RANBP2: variants seen among roughly 807,000 people sequenced by gnomAD.
RANBP2 encodes E3 SUMO-protein ligase RanBP2.
In RANBP2, 57 loss-of-function variants were observed where a neutral mutation model predicts 303.6. The ratio of observed to expected loss-of-function variants is 0.19; its 90% CI spans 0.15 to 0.23. The LOEUF (loss-of-function observed/expected upper bound fraction) is 0.23. Ranked by LOEUF, RANBP2 falls within the 10% of genes least tolerant of loss-of-function variation. RANBP2 has a pLI of 1.00. For missense variants in RANBP2, 3,138 were observed against 3,780.8 expected, an observed-to-expected ratio of 0.83 and a Z score of 4.46; for synonymous variants, 1,167 against 1,301.5, an observed-to-expected ratio of 0.90 and a Z score of 2.23.
the RANBP2 span, among the ~76,000 whole-genome samples, chr2:109,316,379 T>C: frequency 0.31 from 47,340 of 151,958 alleles, 9,135 homozygotes; most frequent in African/African-American, 0.55. Context: ...GGAGAAGCCC[T>C]GGTGCCATGT....
chr2:109,297,679 A>C, the RANBP2 span, among the ~76,000 whole-genome samples: 1 of 131,846 alleles, frequency 7.6e-6, no homozygotes, highest in Non-Finnish European at 1.6e-5. Context: ...AGTGCCTTCC[A>C]CTGGGCCAAT....
the RANBP2 span, among the ~76,000 whole-genome samples, chr2:109,296,955 C>G: frequency 6.6e-6 from 1 of 152,106 alleles, no homozygotes; most frequent in Non-Finnish European, 1.5e-5. Context: ...GGGGACCTAC[C>G]CTGAGGAGCT....
chr2:109,654,616 A>G, the RANBP2 span, among the ~76,000 whole-genome samples: 3 of 152,096 alleles, frequency 2.0e-5, no homozygotes, highest in African/African-American at 7.2e-5. Context: ...AAAGATGACA[A>G]TTTAAGTCAT....
chr2:108,759,628 A>G (rs1260150634), intron 18 of RANBP2, among the ~76,000 whole-genome samples: 9 of 152,218 alleles, frequency 5.9e-5, no homozygotes, highest in Admixed American at 5.9e-4. Context: ...AAGCAAAATA[A>G]CAGAAAATCT....
the RANBP2 span, among the ~76,000 whole-genome samples, chr2:109,148,091 G>A: frequency 6.6e-6 from 1 of 152,186 alleles, no homozygotes; most frequent in African/African-American, 2.4e-5. Flanking sequence ...ATCTGGCTGG[G>A]CTGCCAGCCG....
the RANBP2 span, among the ~76,000 whole-genome samples, chr2:109,570,605 ACCTCCGCCTCCCAAGTTCAAGCAATTCTG>A: frequency 0.064 from 9,723 of 151,736 alleles, 742 homozygotes; most frequent in East Asian, 0.24. Flanking sequence ...GCTCACTGCA[ACCTCCGCCTCCCAAGTTCAAGCAATTCTG>A]CCTCAGCCTC....
chr2:109,528,931 C>A, the RANBP2 span, among the ~76,000 whole-genome samples: 2 of 152,196 alleles, frequency 1.3e-5, no homozygotes, highest in South Asian at 4.1e-4. Context: ...AGGGGCTGAG[C>A]TGATGACCGC....
At chr2:108,926,574 G>T in the RANBP2 span, among the ~76,000 whole-genome samples, 4 of 152,322 alleles carry the variant, frequency 2.6e-5, no homozygotes, top group Non-Finnish European at 5.9e-5. Flanking sequence ...CCAGAATCGC[G>T]GGGTGGTGGA....
At chr2:109,410,984 CAA>C in the RANBP2 span, among the ~76,000 whole-genome samples, 1 of 152,174 alleles carries the variant, frequency 6.6e-6, no homozygotes, top group African/African-American at 2.4e-5. Context: ...TCACTCCTGC[CAA>C]GTCTTTACTA....
the RANBP2 span, among the ~76,000 whole-genome samples, chr2:109,579,633 T>C: frequency 2.0e-5 from 3 of 151,314 alleles, no homozygotes; most frequent in African/African-American, 7.3e-5. Context: ...TCCACCCACC[T>C]TGGCCTCCCA....
At chr2:109,385,440 C>T in the RANBP2 span, among the ~76,000 whole-genome samples, 3 of 152,188 alleles carry the variant, frequency 2.0e-5, no homozygotes, top group Non-Finnish European at 2.9e-5. Flanking sequence ...TTAGTAGCAG[C>T]GTGTTGTTTT....
the RANBP2 span, among the ~76,000 whole-genome samples, chr2:109,551,379 T>C: frequency 1.3e-5 from 2 of 152,224 alleles, no homozygotes; most frequent in Non-Finnish European, 2.9e-5. Context: ...AAAACTAAGA[T>C]TCATGCTATA....
the RANBP2 span, among the ~76,000 whole-genome samples, chr2:109,092,503 C>T: frequency 6.3e-3 from 955 of 152,310 alleles, 14 homozygotes; most frequent in African/African-American, 0.022. Flanking sequence ...CATTGGTCAA[C>T]ACCTTGCAAA....
chr2:109,666,197 A>G, the RANBP2 span, among the ~76,000 whole-genome samples: 2 of 152,296 alleles, frequency 1.3e-5, no homozygotes. Context: ...GAAGTCTCAC[A>G]GGCATTGCTT....
the RANBP2 span, among the ~76,000 whole-genome samples, chr2:109,036,369 A>T: frequency 1.3e-5 from 2 of 152,364 alleles, no homozygotes; most frequent in South Asian, 4.1e-4. Flanking sequence ...TACCAAAATC[A>T]GGAAAATGCA....
intron 7 of RANBP2, 113 bp downstream of exon 7, chr2:108,740,794 A>T: frequency 1.4e-6 from 2 of 1,437,044 alleles, no homozygotes; most frequent in Admixed American, 3.5e-5. Context: ...GTGGAATTAA[A>T]GTTGAAATAG....
chr2:108,855,295 TAAAAG>T, the RANBP2 span, among the ~76,000 whole-genome samples: 1 of 152,156 alleles, frequency 6.6e-6, no homozygotes, highest in Non-Finnish European at 1.5e-5. Context: ...TTTGCAAACT[TAAAAG>T]AATACCATAT....
chr2:108,808,256 C>A, the RANBP2 span, among the ~76,000 whole-genome samples: 2 of 152,032 alleles, frequency 1.3e-5, no homozygotes, highest in South Asian at 4.1e-4. Context: ...ATTTATCTAT[C>A]GATGGACACA....
chr2:108,783,151 T>C lies in RANBP2; in HGVS notation c.9369+289T>C, dbSNP rs150067868. On this transcript the variant is annotated intron_variant, in intron 28 of 28. Transcript: ENST00000283195. ...CCCCGGAATTTGAGACCAGCCTGGG[T>C]AACATGGCAAAAATCTCGTCTGGAC... Among the ~76,000 whole-genome samples, 287 of 151,520 alleles carry C rather than the reference T, an allele frequency of 1.9e-3. 1 individual carries two copies. Among genetic ancestry groups the C allele is most frequent in the African/African-American group, 6.7e-3 (278 of 41,316 alleles).
Sources: gnomAD v4.1 joint callset for allele counts (sites outside exome capture counted in the v4.1 genomes callset) on GRCh38, gnomAD v4.1.1 for gene constraint, MANE v1.5 for transcripts, NCBI Gene and HGNC (gene_info 2026-07-23, HGNC 2026-07-21) for gene names.